The following CNTN6 variants were observed in gnomAD, a reference collection of about 807,000 sequenced individuals.
CNTN6 encodes contactin-6.
A neutral mutation model predicts 122.8 loss-of-function variants in CNTN6; 137 were observed. That is an observed-to-expected ratio of 1.12 (90% CI 0.97 to 1.29). The LOEUF (loss-of-function observed/expected upper bound fraction) is 1.29. Ranked by LOEUF, CNTN6 falls within the 50% of genes most tolerant of loss-of-function variation. CNTN6 has a pLI of 0.00. For synonymous variants in CNTN6, 570 were observed against 426.0 expected (o/e 1.34, Z -4.16); for missense variants, 1,634 against 1,223.4 (o/e 1.34, Z -5.01).
chr3:1,340,357 GAAT>G (rs1703708138), intron 11 of CNTN6, among the ~76,000 whole-genome samples: 1 of 152,094 alleles, frequency 6.6e-6, no homozygotes, highest in African/African-American at 2.4e-5. Flanking sequence ...AAAAGGTATA[GAAT>G]AAGTCAACAT....
intron 2 of CNTN6, among the ~76,000 whole-genome samples, chr3:1,181,007 C>G (rs2093544231): frequency 6.6e-6 from 1 of 151,730 alleles, no homozygotes. Context: ...TGGTTTCTTA[C>G]TTTATTTTAT....
At chr3:1,132,321 C>T (rs1015142090) in intron 1 of CNTN6, among the ~76,000 whole-genome samples, 6 of 152,050 alleles carry the variant, frequency 3.9e-5, no homozygotes, top group Admixed American at 2.6e-4. Context: ...AAGTTTATGC[C>T]ATTGGACTTT....
intron 2 of CNTN6, among the ~76,000 whole-genome samples, chr3:1,167,807 G>A (rs549744333): frequency 1.3e-5 from 2 of 152,294 alleles, no homozygotes; most frequent in South Asian, 4.1e-4. Context: ...GTGAAGGGAT[G>A]CTAACACCCA....
chr3:1,261,703 C>T (rs1328697914), intron 4 of CNTN6, among the ~76,000 whole-genome samples: 2 of 152,116 alleles, frequency 1.3e-5, no homozygotes, highest in African/African-American at 4.8e-5. Context: ...ATATGGGGCA[C>T]CTACAGTGGC....
At chr3:1,290,018 C>T (rs890173473) in intron 5 of CNTN6, among the ~76,000 whole-genome samples, 3 of 152,128 alleles carry the variant, frequency 2.0e-5, no homozygotes, top group African/African-American at 7.2e-5. Context: ...TAGCTCCAGA[C>T]CCCCCAGTGT....
Position 1,295,752 on chromosome 3 carries a change from G to C in CNTN6, c.606G>C (p.Glu202Asp). ...GNYTCFITNK[E>D]AQRSVQGPPT... ...ACACTTGCTTTATAACTAACAAAGAGGCCCAGAGAAGTGTTCAAGGTCCAC... is the reference window on the plus strand; with the variant it reads ...ACACTTGCTTTATAACTAACAAAGACGCCCAGAGAAGTGTTCAAGGTCCAC... Residue 202 changes from glutamate to aspartate, a missense_variant, in exon 6 of 23, where the codon GAG becomes GAC. Glu to Asp is a conservative substitution (Grantham distance 45, BLOSUM62 2). Transcript: ENST00000446702. The C allele has an allele frequency of 6.2e-7, 1 of 1,614,008 alleles. No homozygotes were observed. The highest frequency in any genetic ancestry group is 8.5e-7 in the Non-Finnish European group (1 of 1,179,914).
intron 7 of CNTN6, among the ~76,000 whole-genome samples, chr3:1,307,638 T>C (rs73816294): frequency 0.033 from 5,039 of 152,240 alleles, 290 homozygotes; most frequent in African/African-American, 0.11. Context: ...CAGAATACCA[T>C]ATTACATCGA....
At chr3:1,326,932 A>G (rs1268948279) in intron 9 of CNTN6, among the ~76,000 whole-genome samples, 3 of 151,870 alleles carry the variant, frequency 2.0e-5, no homozygotes, top group Non-Finnish European at 4.4e-5. Context: ...TATACCCCAC[A>G]TGGGGTTCTG....
At chr3:1,353,400 G>C (rs1185052216) in intron 12 of CNTN6, among the ~76,000 whole-genome samples, 1 of 151,680 alleles carries the variant, frequency 6.6e-6, no homozygotes, top group East Asian at 1.9e-4. Flanking sequence ...GAGCCTGGAA[G>C]ATATTTCTGC....
At chr3:1,180,533 A>G (rs1282389769) in intron 2 of CNTN6, among the ~76,000 whole-genome samples, 6 of 152,226 alleles carry the variant, frequency 3.9e-5, no homozygotes, top group Admixed American at 2.0e-4. Flanking sequence ...TAAATATTTT[A>G]TCTACTTATC....
chr3:1,221,170 T>G (rs1054447657), intron 3 of CNTN6, among the ~76,000 whole-genome samples: 2 of 147,790 alleles, frequency 1.4e-5, no homozygotes, highest in South Asian at 2.1e-4. Flanking sequence ...AGAAGAGAGA[T>G]AGGGGAGAGA....
chr3:1,241,435 T>C (rs1295723726), intron 4 of CNTN6, among the ~76,000 whole-genome samples: 1 of 151,808 alleles, frequency 6.6e-6, no homozygotes, highest in African/African-American at 2.4e-5. Context: ...AGGGGTGATA[T>C]TGTGCGGATG....
chr3:1,348,858 G>C (rs1224573774), intron 11 of CNTN6, among the ~76,000 whole-genome samples: 5 of 151,886 alleles, frequency 3.3e-5, no homozygotes, highest in Non-Finnish European at 7.4e-5. Context: ...TTAAGCATTC[G>C]ATGAGTTGAC....
At chr3:1,156,418 T>A (rs2092963537) in intron 2 of CNTN6, among the ~76,000 whole-genome samples, 1 of 152,216 alleles carries the variant, frequency 6.6e-6, no homozygotes, top group South Asian at 2.1e-4. Context: ...TTTACACTTG[T>A]TGAATTTGTA....
intron 4 of CNTN6, among the ~76,000 whole-genome samples, chr3:1,244,012 G>A (rs1450615368): frequency 3.3e-5 from 5 of 152,140 alleles, no homozygotes; most frequent in African/African-American, 1.2e-4. Flanking sequence ...TGGACGTAAG[G>A]CACCTCAGAC....
chr3:1,133,509 G>T (rs1255775482), intron 1 of CNTN6, among the ~76,000 whole-genome samples: 1 of 152,178 alleles, frequency 6.6e-6, no homozygotes, highest in Non-Finnish European at 1.5e-5. Context: ...GAAGAGTTAA[G>T]TAACTCACAC....
chr3:1,370,425 C>G (rs943287911), intron 12 of CNTN6, among the ~76,000 whole-genome samples: 32 of 151,806 alleles, frequency 2.1e-4, no homozygotes, highest in African/African-American at 7.7e-4. Context: ...GTGCAGCACA[C>G]CAACATGGAT....
chr3:1,174,292 G>A (rs1346218461), intron 2 of CNTN6, among the ~76,000 whole-genome samples: 2 of 152,114 alleles, frequency 1.3e-5, no homozygotes, highest in Non-Finnish European at 2.9e-5. Flanking sequence ...TCTCTTCAGA[G>A]GCACCCAATT....
intron 2 of CNTN6, among the ~76,000 whole-genome samples, chr3:1,209,676 A>G (rs1575245835): frequency 9.7e-6 from 1 of 103,192 alleles, no homozygotes; most frequent in East Asian, 5.4e-4. Flanking sequence ...TCAGTCTCCC[A>G]TCCCAGCCCT....
Sources: gnomAD v4.1 joint callset for allele counts (sites outside exome capture counted in the v4.1 genomes callset) on GRCh38, gnomAD v4.1.1 for gene constraint, MANE v1.5 for transcripts, NCBI Gene and HGNC (gene_info 2026-07-23, HGNC 2026-07-21) for gene names.